The following CIRSR variants were observed in gnomAD, a reference collection of about 807,000 sequenced individuals.
The protein encoded by CIRSR is corepressor of RBPJ and splicing regulator, also known as CBF1 (RBPJ) interacting corepressor 1.
the CIRSR span, among the ~76,000 whole-genome samples, chr2:174,357,559 T>G: frequency 6.6e-6 from 1 of 152,208 alleles, no homozygotes. Context: ...AAGTACAATC[T>G]TCTGTCCCTT....
chr2:174,362,322 A>G, the CIRSR span, among the ~76,000 whole-genome samples: 1 of 151,286 alleles, frequency 6.6e-6, no homozygotes. Context: ...AACAAAAACA[A>G]AAACAAAAAC....
At chr2:174,394,089 C>T in the CIRSR span, among the ~76,000 whole-genome samples, 1 of 152,156 alleles carries the variant, frequency 6.6e-6, no homozygotes, top group Admixed American at 6.5e-5. Context: ...GGTTCTAAGC[C>T]TATAACTGCT....
At chr2:174,388,736 T>C in the CIRSR span, among the ~76,000 whole-genome samples, 1 of 152,072 alleles carries the variant, frequency 6.6e-6, no homozygotes, top group Admixed American at 6.6e-5. Context: ...AAATTATATA[T>C]CATGGAGATC....
At chr2:174,373,838 G>A in the CIRSR span, among the ~76,000 whole-genome samples, 1 of 62,722 alleles carries the variant, frequency 1.6e-5, no homozygotes, top group East Asian at 4.8e-4. Flanking sequence ...CTGTGTGTGT[G>A]TGTGTATGTT....
the CIRSR span, chr2:174,380,082 A>C: frequency 8.2e-5 from 51 of 624,342 alleles, no homozygotes; most frequent in Non-Finnish European, 1.2e-4. Flanking sequence ...TCCTTATATT[A>C]TCTGATACAA....
At chr2:174,374,621 A>T in the CIRSR span, among the ~76,000 whole-genome samples, 1 of 152,240 alleles carries the variant, frequency 6.6e-6, no homozygotes, top group African/African-American at 2.4e-5. Flanking sequence ...TTACACAGAC[A>T]CTAAGTAGCA....
the CIRSR span, among the ~76,000 whole-genome samples, chr2:174,349,834 A>T: frequency 6.6e-6 from 1 of 152,206 alleles, no homozygotes; most frequent in Admixed American, 6.5e-5. Context: ...GGAACTACTA[A>T]AAAAGCAAAT....
the CIRSR span, among the ~76,000 whole-genome samples, chr2:174,376,437 A>G: frequency 1.3e-5 from 2 of 152,296 alleles, no homozygotes; most frequent in Non-Finnish European, 2.9e-5. Context: ...CCACCATAAG[A>G]GGGTTCCAAA....
At chr2:174,367,091 G>C in the CIRSR span, among the ~76,000 whole-genome samples, 1 of 152,130 alleles carries the variant, frequency 6.6e-6, no homozygotes, top group Admixed American at 6.5e-5. Context: ...TACAAATATA[G>C]TAGATATTAA....
the CIRSR span, among the ~76,000 whole-genome samples, chr2:174,394,688 G>A: frequency 2.6e-5 from 4 of 152,054 alleles, no homozygotes; most frequent in South Asian, 8.3e-4. Flanking sequence ...AGAATCACTG[G>A]TCTAGAAGTG....
the CIRSR span, among the ~76,000 whole-genome samples, chr2:174,364,495 T>TG: frequency 1.3e-5 from 2 of 152,162 alleles, no homozygotes; most frequent in South Asian, 4.1e-4. Context: ...AGCCTCTGTG[T>TG]GGGGGGCTCC....
At chr2:174,372,705 C>T in the CIRSR span, among the ~76,000 whole-genome samples, 6 of 152,116 alleles carry the variant, frequency 3.9e-5, no homozygotes, top group Non-Finnish European at 5.9e-5. Flanking sequence ...GCCTCAGCCT[C>T]CTGAGTGGCT....
chr2:174,367,721 A>AAG, the CIRSR span, among the ~76,000 whole-genome samples: 4 of 148,684 alleles, frequency 2.7e-5, no homozygotes, highest in East Asian at 3.9e-4. Flanking sequence ...CAGCCTGGGC[A>AAG]AGAGAGAGAG....
At chr2:174,379,008 T>C in the CIRSR span, 36 of 1,613,880 alleles carry the variant, frequency 2.2e-5, no homozygotes, top group Middle Eastern at 1.6e-4. Flanking sequence ...CATGACCCCA[T>C]TTGTGACATT....
chr2:174,376,963 T>C, the CIRSR span, among the ~76,000 whole-genome samples: 2 of 152,166 alleles, frequency 1.3e-5, no homozygotes, highest in African/African-American at 4.8e-5. Context: ...ACAAGTTCTT[T>C]TGAATGTTAG....
At chr2:174,383,611 T>G in the CIRSR span, among the ~76,000 whole-genome samples, 1 of 151,070 alleles carries the variant, frequency 6.6e-6, no homozygotes, top group Non-Finnish European at 1.5e-5. Context: ...TCCCAGCTAT[T>G]TGGGAGGCTG....
chr2:174,375,252 A>G, the CIRSR span, among the ~76,000 whole-genome samples: 3 of 152,184 alleles, frequency 2.0e-5, no homozygotes, highest in Non-Finnish European at 4.4e-5. Context: ...GGCTTTTGAT[A>G]TATATCAGCA....
At chr2:174,351,663 G>C in the CIRSR span, 1 of 1,613,712 alleles carries the variant, frequency 6.2e-7, no homozygotes, top group South Asian at 1.1e-5. Context: ...AGTACATTTC[G>C]TTTCAGTGCA....
At chr2:174,392,655 T>C in the CIRSR span, among the ~76,000 whole-genome samples, 1 of 152,100 alleles carries the variant, frequency 6.6e-6, no homozygotes, top group Non-Finnish European at 1.5e-5. Flanking sequence ...ATTGACTAGA[T>C]AAAGGAGTGA....
Sources: allele counts gnomAD v4.1 joint callset (sites outside exome capture counted in the v4.1 genomes callset), GRCh38; gene constraint gnomAD v4.1.1; transcripts MANE v1.5; gene names NCBI Gene and HGNC (gene_info 2026-07-23, HGNC 2026-07-21).